NCOA2: variants seen among roughly 807,000 people sequenced by gnomAD.
NCOA2 encodes the protein nuclear receptor coactivator 2, also known as class E basic helix-loop-helix protein 75.
In NCOA2, 21 loss-of-function variants were observed where a neutral mutation model predicts 145.1. That is an observed-to-expected ratio of 0.14 (90% CI 0.10 to 0.21). The LOEUF (loss-of-function observed/expected upper bound fraction) is 0.21, where lower values mean the gene tolerates loss of function less well. Among genes scored for constraint, NCOA2 ranks in the 10% least tolerant of loss-of-function variants. NCOA2 has a pLI of 1.00. For synonymous variants in NCOA2, 619 were observed against 637.5 expected, an observed-to-expected ratio of 0.97 and a Z score of 0.44; for missense variants, 1,472 against 1,837.6, an observed-to-expected ratio of 0.80 and a Z score of 3.64.
rs1400898870 is a variant in NCOA2, at chr8:70,225,301, A to G, written c.-19-8537T>C. Among the ~76,000 whole-genome samples the G allele has an allele frequency of 2.0e-5, 3 of 152,310 alleles. No homozygotes were observed. The East Asian group carries it at 5.8e-4, about 29-fold the overall frequency. Reference sequence around the variant, plus strand: ...CGCAGTGGCTCACGCCTGTAATCCCAGCATTTTGGGAGCCGGTGCAGGTGG... The same window carrying G: ...CGCAGTGGCTCACGCCTGTAATCCCGGCATTTTGGGAGCCGGTGCAGGTGG... On this transcript the variant is annotated intron_variant, in intron 2 of 22. Transcript: ENST00000452400.
At chr8:70,151,434 T>G (rs1811737738) in intron 11 of NCOA2, among the ~76,000 whole-genome samples, 1 of 152,128 alleles carries the variant, frequency 6.6e-6, no homozygotes, top group Non-Finnish European at 1.5e-5. Context: ...ACTACAGGTG[T>G]GCACAACCAC....
At chr8:70,384,067 T>C (rs753267652) in intron 1 of NCOA2, among the ~76,000 whole-genome samples, 63 of 152,190 alleles carry the variant, frequency 4.1e-4, no homozygotes, top group Non-Finnish European at 8.4e-4. Flanking sequence ...AATTTATCTT[T>C]GAAACAGGCC....
intron 1 of NCOA2, among the ~76,000 whole-genome samples, chr8:70,333,939 G>A (rs1459032180): frequency 6.6e-6 from 1 of 151,822 alleles, no homozygotes; most frequent in Non-Finnish European, 1.5e-5. Flanking sequence ...TCTACTTCAG[G>A]TTAATCCTCT....
chr8:70,188,907 AG>A (rs1367924439), intron 4 of NCOA2, among the ~76,000 whole-genome samples: 1 of 152,226 alleles, frequency 6.6e-6, no homozygotes, highest in African/African-American at 2.4e-5. Context: ...AATCAAAGTC[AG>A]TATTAACAGT....
intron 2 of NCOA2, among the ~76,000 whole-genome samples, chr8:70,282,547 G>A (rs1414455393): frequency 2.6e-5 from 4 of 152,222 alleles, no homozygotes; most frequent in East Asian, 3.9e-4. Context: ...AATTAGCCAG[G>A]CATTGTGGCG....
intron 2 of NCOA2, among the ~76,000 whole-genome samples, chr8:70,290,481 C>T (rs1253568708): frequency 6.6e-6 from 1 of 152,076 alleles, no homozygotes; most frequent in Non-Finnish European, 1.5e-5. Flanking sequence ...AGCCAACGCG[C>T]CCGGCCTATT....
intron 2 of NCOA2, among the ~76,000 whole-genome samples, chr8:70,270,181 CA>C (rs969507208): frequency 7.1e-6 from 1 of 141,160 alleles, no homozygotes; most frequent in African/African-American, 2.7e-5. Flanking sequence ...GACCTTGTCT[CA>C]AAAAACAGGG....
upstream of NCOA2, among the ~76,000 whole-genome samples, chr8:70,408,125 A>G (rs192453140): frequency 1.8e-3 from 271 of 152,318 alleles, 1 homozygote; most frequent in African/African-American, 6.3e-3. Flanking sequence ...TGAGATTGAC[A>G]TGAGTTTCAA....
chr8:70,144,939 G>T, intron 12 of NCOA2, 91 bp from the exon 13 acceptor site: 2 of 1,224,360 alleles, frequency 1.6e-6, no homozygotes, highest in Non-Finnish European at 2.4e-6. Context: ...TCTGTAAAAT[G>T]ACAAAGGTAT....
At chr8:70,192,216 T>C (rs1563596156) in intron 4 of NCOA2, among the ~76,000 whole-genome samples, 1 of 152,196 alleles carries the variant, frequency 6.6e-6, no homozygotes, top group Non-Finnish European at 1.5e-5. Flanking sequence ...TTTCCCTTAT[T>C]TTACTTTGTT....
intron 4 of NCOA2, among the ~76,000 whole-genome samples, chr8:70,206,718 C>T (rs1818479829): frequency 6.6e-6 from 1 of 152,118 alleles, no homozygotes; most frequent in Admixed American, 6.5e-5. Context: ...CTCTGACTTG[C>T]CCTTTTCAGC....
intron 1 of NCOA2, among the ~76,000 whole-genome samples, chr8:70,360,863 G>A (rs1408327665): frequency 6.6e-6 from 1 of 151,534 alleles, no homozygotes; most frequent in East Asian, 1.9e-4. Flanking sequence ...GCTTGAACCT[G>A]GGAGAAGGAG....
chr8:70,376,292 ATAT>A (rs1563821531), intron 1 of NCOA2, among the ~76,000 whole-genome samples: 1 of 152,118 alleles, frequency 6.6e-6, no homozygotes, highest in Non-Finnish European at 1.5e-5. Context: ...AGAGTAACTG[ATAT>A]TATCATATCT....
chr8:70,421,082 C>A, the NCOA2 span, among the ~76,000 whole-genome samples: 1 of 151,838 alleles, frequency 6.6e-6, no homozygotes, highest in South Asian at 2.1e-4. Context: ...CTAACAAATG[C>A]TAATAAAAGG....
chr8:70,266,819 T>G (rs887192651), intron 2 of NCOA2, among the ~76,000 whole-genome samples: 2 of 152,214 alleles, frequency 1.3e-5, no homozygotes, highest in African/African-American at 2.4e-5. Flanking sequence ...AATGCCTATA[T>G]ATATACTACG....
chr8:70,249,451 T>G (rs183307985), intron 2 of NCOA2, among the ~76,000 whole-genome samples: 132 of 152,284 alleles, frequency 8.7e-4, no homozygotes, highest in African/African-American at 3.1e-3. Context: ...CCTGAGCAAG[T>G]TACTTAACCT....
rs1554578478 is a variant in NCOA2, at chr8:70,159,236, A to ATATATACATATATATATATATATATG, written c.1124+268_1124+269insCATATATATATATATATATGTATATA. On this transcript the variant is annotated intron_variant, in intron 10 of 22. Coordinates refer to ENST00000452400, the MANE Select transcript of NCOA2 (RefSeq NM_006540.4). ...ACAGTATAACATTATATATATATAT[A>ATATATACATATATATATATATATATG]TATATATTTTTTTTTTTTTCCCCCA... 1.7e-3 allele frequency among the ~76,000 whole-genome samples: 28 copies of ATATATACATATATATATATATATATG among 16,046 alleles called. 3 individuals are homozygous for ATATATACATATATATATATATATATG. The highest frequency in any genetic ancestry group is 7.1e-3 in the Admixed American group (7 of 980). The allele number at this position is 16,046 out of a possible 152,430, so 10.5% of individuals were successfully genotyped here.
chr8:70,440,211 T>A, the NCOA2 span, among the ~76,000 whole-genome samples: 5 of 151,508 alleles, frequency 3.3e-5, no homozygotes, highest in East Asian at 3.9e-4. Flanking sequence ...CTGGAGGCAG[T>A]GGTTGCAGTG....
At chr8:70,290,914 C>T (rs1012566798) in intron 2 of NCOA2, among the ~76,000 whole-genome samples, 1 of 152,170 alleles carries the variant, frequency 6.6e-6, no homozygotes, top group Admixed American at 6.5e-5. Context: ...TCAAATTCAG[C>T]ACCTGCCTAG....
Sources: gnomAD v4.1 joint callset for allele counts (sites outside exome capture counted in the v4.1 genomes callset) on GRCh38, gnomAD v4.1.1 for gene constraint, MANE v1.5 for transcripts, NCBI Gene and HGNC (gene_info 2026-07-23, HGNC 2026-07-21) for gene names.